The following PIGL variants were observed in gnomAD, a reference collection of about 807,000 sequenced individuals.
PIGL encodes N-acetylglucosaminyl-phosphatidylinositol de-N-acetylase.
PIGL carries 22 observed loss-of-function variants against 31.1 expected under a neutral mutation model. That is an observed-to-expected ratio of 0.71 (90% confidence interval 0.51 to 1.01). The LOEUF (loss-of-function observed/expected upper bound fraction) is 1.01. PIGL is among the 50% of genes least tolerant of loss of function. The pLI, the probability that PIGL is intolerant of heterozygous loss-of-function variation, is 0.00. For synonymous variants in PIGL, 131 were observed against 117.4 expected (o/e 1.12, Z -0.75); for missense variants, 302 against 315.9 (o/e 0.96, Z 0.33).
At chr17:16,255,885 G>C (rs1183271949) in intron 2 of PIGL, among the ~76,000 whole-genome samples, 1 of 152,164 alleles carries the variant, frequency 6.6e-6, no homozygotes, top group Admixed American at 6.5e-5. Flanking sequence ...AAGAAACCAG[G>C]GAAGGAGACC....
chr17:16,278,674 T>C (rs2092905350), intron 2 of PIGL, among the ~76,000 whole-genome samples: 1 of 151,370 alleles, frequency 6.6e-6, no homozygotes, highest in African/African-American at 2.4e-5. Flanking sequence ...AACTTTTTCC[T>C]ATCTAACCTA....
chr17:16,240,312 T>G (rs2092717334), intron 2 of PIGL, among the ~76,000 whole-genome samples: 2 of 152,088 alleles, frequency 1.3e-5, no homozygotes, highest in East Asian at 3.9e-4. Context: ...ATGAGCCAAT[T>G]AAACCTCTTT....
At chr17:16,322,087 T>A (rs1338543301) in intron 6 of PIGL, among the ~76,000 whole-genome samples, 3 of 142,942 alleles carry the variant, frequency 2.1e-5, no homozygotes, top group Non-Finnish European at 4.6e-5. Context: ...CCAGCCTATT[T>A]ATTTATTATT....
intron 2 of PIGL, among the ~76,000 whole-genome samples, chr17:16,255,303 A>G (rs1029686166): frequency 2.0e-5 from 3 of 152,126 alleles, no homozygotes; most frequent in Non-Finnish European, 4.4e-5. Flanking sequence ...GTATTTTTCT[A>G]CATCTATTTA....
chr17:16,233,124 T>C (rs534406287), intron 1 of PIGL, among the ~76,000 whole-genome samples: 1 of 137,288 alleles, frequency 7.3e-6, no homozygotes, highest in African/African-American at 2.6e-5. Flanking sequence ...AAAAAAAAAA[T>C]GGCCATTATC....
chr17:16,311,802 A>G (rs1181921221), intron 3 of PIGL, among the ~76,000 whole-genome samples: 1 of 152,166 alleles, frequency 6.6e-6, no homozygotes, highest in Admixed American at 6.5e-5. Context: ...ACAGCATCGC[A>G]AGGCAGAAGA....
chr17:16,325,736 T>A, intron 6 of PIGL, 64 bp from the exon 7 acceptor site: 2 of 1,209,840 alleles, frequency 1.7e-6, no homozygotes, highest in Non-Finnish European at 2.5e-6. Flanking sequence ...GGAGGCCAGA[T>A]CTGAAAGTAA....
intron 2 of PIGL, among the ~76,000 whole-genome samples, chr17:16,256,951 G>C (rs2092796363): frequency 6.6e-6 from 1 of 152,032 alleles, no homozygotes. Flanking sequence ...GCCTCCTAAA[G>C]TGCTAGGATT....
intron 1 of PIGL, among the ~76,000 whole-genome samples, chr17:16,226,704 G>A (rs2092653653): frequency 6.6e-6 from 1 of 152,178 alleles, no homozygotes; most frequent in South Asian, 2.1e-4. Context: ...CAAGCCTACA[G>A]ATAGGATGTA....
chr17:16,264,733 G>A (rs566228621), intron 2 of PIGL, among the ~76,000 whole-genome samples: 20 of 151,594 alleles, frequency 1.3e-4, no homozygotes, highest in Non-Finnish European at 2.8e-4. Context: ...TGCAACCTCT[G>A]CCTCCCTGGT....
At chr17:16,301,829 A>G (rs904866228) in intron 3 of PIGL, among the ~76,000 whole-genome samples, 2 of 151,300 alleles carry the variant, frequency 1.3e-5, no homozygotes, top group Non-Finnish European at 2.9e-5. Context: ...TCGGCCTCCC[A>G]AAGTGCTGGG....
intron 3 of PIGL, among the ~76,000 whole-genome samples, chr17:16,300,439 G>A (rs536988104): frequency 3.3e-5 from 5 of 152,264 alleles, no homozygotes; most frequent in East Asian, 1.9e-4. Flanking sequence ...CCAGCACATC[G>A]GGAGGCCGAG....
chr17:16,293,662 T>A (rs889290242), intron 2 of PIGL, among the ~76,000 whole-genome samples: 2 of 151,834 alleles, frequency 1.3e-5, no homozygotes, highest in Non-Finnish European at 2.9e-5. Flanking sequence ...TTAAACCCCC[T>A]AACACACTTC....
intron 3 of PIGL, among the ~76,000 whole-genome samples, chr17:16,308,644 A>C (rs2093036001): frequency 6.6e-6 from 1 of 152,162 alleles, no homozygotes; most frequent in Non-Finnish European, 1.5e-5. Flanking sequence ...AGGCCAAAGC[A>C]GGCAGATTGC....
At chr17:16,276,834 A>C (rs1451931565) in intron 2 of PIGL, among the ~76,000 whole-genome samples, 1 of 152,238 alleles carries the variant, frequency 6.6e-6, no homozygotes, top group East Asian at 1.9e-4. Flanking sequence ...CATTTTTACT[A>C]AAGACAAATC....
rs551766495 is a variant in PIGL, at chr17:16,251,446, G to T, written c.335+17376G>T. ...TCAAAAAAAAAAAAAAAAGACCAAC[G>T]TGGGTTTATGAGTACATTTAATTGA... On this transcript the variant is annotated intron_variant, in intron 2 of 6. Transcript: ENST00000225609. 2.0e-5 allele frequency among the ~76,000 whole-genome samples: 3 copies of T among 150,882 alleles called. No homozygotes were observed. In the South Asian group the frequency reaches 6.3e-4, roughly 32 times the overall value.
chr17:16,303,613 A>G (rs1027873946), intron 3 of PIGL, among the ~76,000 whole-genome samples: 6 of 151,476 alleles, frequency 4.0e-5, no homozygotes, highest in African/African-American at 1.5e-4. Flanking sequence ...ACCTCGGCTC[A>G]CTGCAACCTC....
In PIGL at chr17:16,313,600, G is replaced by A. The variant is rs114697377; in HGVS notation, c.480G>A (p.Leu160=). 1.2e-5 allele frequency: 20 copies of A among 1,612,900 alleles called. No individual in the cohort carries two copies. The East Asian group carries it at 2.9e-4, about 23-fold the overall frequency. Residue 160 remains leucine, a synonymous_variant, in exon 4 of 7, where the codon CTG becomes CTA. Coordinates refer to ENST00000225609, the MANE Select transcript of PIGL (RefSeq NM_004278.4). The part of the protein sequence containing the change: ...GVSGHSNHIA[L]YAAVRALHSE... Reference sequence around the variant, plus strand: ...GTGGCCACAGCAATCACATTGCTCTGTATGCAGCTGTGAGGTATGATTCTC... The same window carrying A: ...GTGGCCACAGCAATCACATTGCTCTATATGCAGCTGTGAGGTATGATTCTC...
At chr17:16,242,071 T>A (rs2092725445) in intron 2 of PIGL, among the ~76,000 whole-genome samples, 4 of 152,094 alleles carry the variant, frequency 2.6e-5, no homozygotes, top group Admixed American at 2.6e-4. Flanking sequence ...TTTTTGTTTG[T>A]TTTTGGAGAC....
Sources: allele counts gnomAD v4.1 joint callset (sites outside exome capture counted in the v4.1 genomes callset), GRCh38; gene constraint gnomAD v4.1.1; transcripts MANE v1.5; gene names NCBI Gene and HGNC (gene_info 2026-07-23, HGNC 2026-07-21).